Variants in EPS15L1 observed in about 807,000 individuals in gnomAD.
EPS15L1 encodes epidermal growth factor receptor substrate 15-like 1.
EPS15L1 carries 43 observed loss-of-function variants against 117.1 expected under a neutral mutation model. The ratio of observed to expected loss-of-function variants is 0.37; its 90% CI spans 0.29 to 0.47. The LOEUF is 0.47. Ranked by LOEUF, EPS15L1 falls within the 20% of genes least tolerant of loss-of-function variation. The pLI is 0.99. For missense variants in EPS15L1, 981 were observed against 1,164.0 expected (o/e 0.84, Z 2.29); for synonymous variants, 459 against 470.5 (o/e 0.98, Z 0.32).
chr19:16,431,943 G>A (rs1007680302), intron 7 of EPS15L1, among the ~76,000 whole-genome samples: 3 of 152,208 alleles, frequency 2.0e-5, no homozygotes, highest in African/African-American at 4.8e-5. Context: ...CTAACCAAAC[G>A]TGGATACAAA....
intron 22 of EPS15L1, among the ~76,000 whole-genome samples, chr19:16,369,079 G>A (rs2144665258): frequency 6.6e-6 from 1 of 152,324 alleles, no homozygotes; most frequent in Middle Eastern, 3.4e-3. Flanking sequence ...TTGAAAGAGT[G>A]CTTTTCCCCA....
rs1351470962 is a variant in EPS15L1, at chr19:16,460,193, A to ACAGGAGGATGAACC, written c.33+11706_33+11719dup. Among the ~76,000 whole-genome samples the ACAGGAGGATGAACC allele has an allele frequency of 7.9e-5, 12 of 152,298 alleles. No homozygotes were observed. In the East Asian group the frequency reaches 2.1e-3, roughly 27 times the overall value. ...AGTCCCAGCTACTAAGGAGGCTGAG[A>ACAGGAGGATGAACC]CAGGAGGATGAACCCAGGAGTCTGA... On this transcript the variant is annotated intron_variant, in intron 1 of 23. Transcript: ENST00000455140.
intron 7 of EPS15L1, among the ~76,000 whole-genome samples, chr19:16,433,120 G>T (rs1257741302): frequency 1.4e-5 from 2 of 146,242 alleles, no homozygotes; most frequent in Non-Finnish European, 3.0e-5. Flanking sequence ...TAAATTGAGG[G>T]TTTTTTTTGT....
intron 7 of EPS15L1, 135 bp downstream of exon 7, chr19:16,434,230 G>A (rs539808509): frequency 1.3e-5 from 15 of 1,192,496 alleles, no homozygotes; most frequent in East Asian, 4.8e-5. Flanking sequence ...CCACAGGAGC[G>A]CTGATGAAAG....
At chr19:16,367,483 A>G (rs11667613) in intron 22 of EPS15L1, among the ~76,000 whole-genome samples, 1 of 139,854 alleles carries the variant, frequency 7.2e-6, no homozygotes, top group Non-Finnish European at 1.5e-5. Context: ...ATGGTTTACC[A>G]CAGTATGTGC....
chr19:16,417,854 G>T (rs1057351259), intron 11 of EPS15L1, 94 bp downstream of exon 11: 1 of 1,499,832 alleles, frequency 6.7e-7, no homozygotes. Context: ...GGCAGCACCC[G>T]CCACCGTGGG....
Position 16,355,692 on chromosome 19 carries a change from A to T in EPS15L1, c.*13T>A. 1.3e-6 allele frequency: 2 copies of T among 1,534,478 alleles called. No individual in the cohort carries two copies. Among genetic ancestry groups the T allele is most frequent in the Non-Finnish European group, 1.7e-6 (2 of 1,145,708 alleles). On this transcript the variant is annotated 3_prime_UTR_variant, in exon 24 of 24. Coordinates refer to ENST00000455140, the MANE Select transcript of EPS15L1 (RefSeq NM_001258374.3). ...CCCGCCCGTGCCCTGTCCCGCCTAC[A>T]CACGGCCCTCGCCTAGGCGGCAGGC... is the stretch of plus-strand genomic sequence containing the variant.
chr19:16,462,973 T>C (rs2093268044), intron 1 of EPS15L1, among the ~76,000 whole-genome samples: 1 of 152,064 alleles, frequency 6.6e-6, no homozygotes. Context: ...CTTCCACGAG[T>C]GTGTCACACT....
rs142833411 is a variant in EPS15L1, at chr19:16,408,613, T to C, written c.1267-3864A>G. 6.5e-4 allele frequency among the ~76,000 whole-genome samples: 98 copies of C among 151,414 alleles called. 1 individual carries two copies. Among genetic ancestry groups the C allele is most frequent in the African/African-American group, 2.3e-3 (95 of 41,166 alleles). Reference sequence around the variant, plus strand: ...AGGTAGTGGTTGCAGTGAGCCGAGATTGCGCCACTGCACTCCAGCCTGAGT... The same window carrying C: ...AGGTAGTGGTTGCAGTGAGCCGAGACTGCGCCACTGCACTCCAGCCTGAGT... On this transcript the variant is annotated intron_variant, in intron 13 of 23. Coordinates refer to ENST00000455140, the MANE Select transcript of EPS15L1 (RefSeq NM_001258374.3).
chr19:16,361,754 C>T (rs371252295), intron 23 of EPS15L1, 25 bp downstream of exon 23: 97 of 1,601,122 alleles, frequency 6.1e-5, no homozygotes, highest in Non-Finnish European at 6.0e-5. Flanking sequence ...AGTGGGGTGG[C>T]CCGGAGGCGG....
chr19:16,376,685 C>G (rs1031057822), intron 22 of EPS15L1, among the ~76,000 whole-genome samples: 1 of 152,264 alleles, frequency 6.6e-6, no homozygotes, highest in Non-Finnish European at 1.5e-5. Context: ...ACCCTCACCC[C>G]CAACAGGCCC....
At chr19:16,380,648 C>A (rs1185956580) in intron 21 of EPS15L1, among the ~76,000 whole-genome samples, 2 of 152,230 alleles carry the variant, frequency 1.3e-5, no homozygotes, top group African/African-American at 4.8e-5. Context: ...TCCAGTCACA[C>A]TGACACAGCT....
intron 22 of EPS15L1, among the ~76,000 whole-genome samples, chr19:16,366,245 T>A (rs1391304187): frequency 6.6e-6 from 1 of 152,122 alleles, no homozygotes; most frequent in Non-Finnish European, 1.5e-5. Flanking sequence ...GAGGCAGATT[T>A]GCAAGAATGT....
intron 1 of EPS15L1, among the ~76,000 whole-genome samples, chr19:16,462,655 G>A (rs1475543888): frequency 3.3e-5 from 5 of 152,062 alleles, no homozygotes; most frequent in South Asian, 2.1e-4. Context: ...GTGACAAAGC[G>A]GGACTCCACC....
At position 16,417,543 on chromosome 19, in the gene EPS15L1, C is replaced by T; in HGVS notation, c.1193+9G>A. 6.2e-7 allele frequency: 1 copy of T among 1,612,240 alleles called. No homozygotes were observed. The highest frequency in any genetic ancestry group is 8.5e-7 in the Non-Finnish European group (1 of 1,178,326). On this transcript the variant is annotated intron_variant, in intron 12 of 23. Transcript: ENST00000455140. ...CTGGATGTGGAGGGAAGGGCCGTTTCCAACATACCTTTGTAACTGGGCAAT... is the reference window on the plus strand; with the variant it reads ...CTGGATGTGGAGGGAAGGGCCGTTTTCAACATACCTTTGTAACTGGGCAAT...
chr19:16,384,763 C>T (rs1057469311), intron 21 of EPS15L1, among the ~76,000 whole-genome samples: 2 of 152,230 alleles, frequency 1.3e-5, no homozygotes, highest in Non-Finnish European at 2.9e-5. Flanking sequence ...GCCCACTTTC[C>T]CTGGACGCCT....
At chr19:16,459,575 C>T (rs1025050210) in intron 1 of EPS15L1, among the ~76,000 whole-genome samples, 9 of 152,096 alleles carry the variant, frequency 5.9e-5, no homozygotes. Context: ...TGAGGACAAG[C>T]CACCAAGCCA....
chr19:16,385,192 A>G lies in EPS15L1; in HGVS notation c.2184T>C (p.Asp728=), dbSNP rs1270782160. Residue 728 remains aspartate, a synonymous_variant, in exon 21 of 24, where the codon GAT becomes GAC. Transcript: ENST00000455140. ...SKGSDPFGTL[D]PFGSGSFNSA... ...TATTGAAGGACCCACTTCCGAAGGGATCTAAGGTTCCAAAGGGATCTGCAA... is the reference window on the plus strand; with the variant it reads ...TATTGAAGGACCCACTTCCGAAGGGGTCTAAGGTTCCAAAGGGATCTGCAA... 2 of 1,613,966 alleles carry G rather than the reference A, an allele frequency of 1.2e-6. No individual in the cohort carries two copies. Among genetic ancestry groups the G allele is most frequent in the African/African-American group, 2.7e-5 (2 of 74,902 alleles).
intron 10 of EPS15L1, among the ~76,000 whole-genome samples, chr19:16,419,462 A>G (rs559890072): frequency 6.6e-6 from 1 of 152,100 alleles, no homozygotes; most frequent in African/African-American, 2.4e-5. Context: ...GTCTCAAAAA[A>G]AAAAAATAAA....
Sources: gnomAD v4.1 joint callset for allele counts (sites outside exome capture counted in the v4.1 genomes callset) on GRCh38, gnomAD v4.1.1 for gene constraint, MANE v1.5 for transcripts, NCBI Gene and HGNC (gene_info 2026-07-23, HGNC 2026-07-21) for gene names.